TRIM71: variants seen among roughly 807,000 people sequenced by gnomAD.
The protein encoded by TRIM71 is E3 ubiquitin-protein ligase TRIM71.
Under a neutral mutation model 61.2 loss-of-function variants are expected in TRIM71, and 9 were observed. The observed-to-expected ratio is 0.15, with a 90% CI of 0.09 to 0.26. The LOEUF (loss-of-function observed/expected upper bound fraction) is 0.26, where lower values mean the gene tolerates loss of function less well. Ranked by LOEUF, TRIM71 falls within the 10% of genes least tolerant of loss-of-function variation. The probability of loss-of-function intolerance (pLI) is 1.00; values close to 1 mark genes in which losing one functional copy is unlikely to be tolerated. For synonymous variants in TRIM71, 645 were observed against 553.2 expected, an observed-to-expected ratio of 1.17 and a Z score of -2.33; for missense variants, 998 against 1,238.7, an observed-to-expected ratio of 0.81 and a Z score of 2.92.
chr3:32,867,370 ATGAT>A (rs1372157034), intron 1 of TRIM71, among the ~76,000 whole-genome samples: 4 of 152,222 alleles, frequency 2.6e-5, no homozygotes, highest in South Asian at 2.1e-4. Context: ...ATAGGTAAAA[ATGAT>A]TGATCATTTT....
Position 32,891,827 on chromosome 3 carries a change from T to G in TRIM71, c.*16T>G, listed in dbSNP as rs1697028778. 1 of 1,611,486 alleles carries G rather than the reference T, an allele frequency of 6.2e-7. No individual in the cohort carries two copies. The highest frequency in any genetic ancestry group is 1.7e-5 in the Admixed American group (1 of 59,618). On this transcript the variant is annotated 3_prime_UTR_variant, in exon 4 of 4. Coordinates refer to ENST00000383763, the MANE Select transcript of TRIM71 (RefSeq NM_001039111.3). The surrounding 1 kb of genome is among the most constrained non-coding windows in gnomAD (Gnocchi z 8.2). ...CGTCTTCTAATTGCATTTCCTAGGT[T>G]TCTGTGTTTGGGGTGTGTGTGCGTG...
At chr3:32,855,573 G>A (rs974599858) in intron 1 of TRIM71, among the ~76,000 whole-genome samples, 5 of 152,200 alleles carry the variant, frequency 3.3e-5, no homozygotes, top group Non-Finnish European at 7.3e-5. Context: ...GGGCAGGAAG[G>A]AGACAGATCC....
chr3:32,827,342 T>C (rs1249962988), intron 1 of TRIM71, among the ~76,000 whole-genome samples: 1 of 147,384 alleles, frequency 6.8e-6, no homozygotes, highest in Non-Finnish European at 1.5e-5. Context: ...CGGCTCCTTG[T>C]ACCTTCTGCC....
chr3:32,885,972 G>A lies in TRIM71; in HGVS notation c.1059G>A (p.Val353=). 1.2e-6 allele frequency: 2 copies of A among 1,614,180 alleles called. No individual in the cohort carries two copies. Among genetic ancestry groups the A allele is most frequent in the Non-Finnish European group, 1.7e-6 (2 of 1,180,022 alleles). ...IEQAQTVAEQ[V]EMKAKVVQSE... ...AGGCCCAGACGGTGGCGGAACAGGTGGAGATGAAGGCGAAGGTTGTGCAGT... is the reference window on the plus strand; with the variant it reads ...AGGCCCAGACGGTGGCGGAACAGGTAGAGATGAAGGCGAAGGTTGTGCAGT... The change falls in exon 3 of 4, where the codon GTG becomes GTA. Residue 353 remains valine (V), a synonymous_variant. Transcript: ENST00000383763.
At position 32,827,268 on chromosome 3, in the gene TRIM71, C is replaced by CTTTTTTTTT. The variant is rs369755706; in HGVS notation, c.852+8342_852+8350dup. 2.1e-3 allele frequency among the ~76,000 whole-genome samples: 268 copies of CTTTTTTTTT among 129,654 alleles called. 3 individuals carry two copies. The highest frequency in any genetic ancestry group is 6.7e-3 in the African/African-American group (240 of 35,556). The allele number at this position is 129,654 out of a possible 152,430, so 85.1% of individuals were successfully genotyped here. A position where few individuals can be genotyped will look rare whatever the true frequency, so the allele number is the denominator to read the frequency against. On this transcript the variant is annotated intron_variant, in intron 1 of 3. Coordinates refer to ENST00000383763, the MANE Select transcript of TRIM71 (RefSeq NM_001039111.3). ...TGTCATGAAGGGTAGGGGGATAATT[C>CTTTTTTTTT]TTTTTTTTTTTTTTGGGTGGAGTCT...
At position 32,896,721 on chromosome 3, in the gene TRIM71, T is replaced by C. The variant is rs1697081345; in HGVS notation, c.*4910T>C. 1 of 152,250 alleles carries C rather than the reference T, an allele frequency of 6.6e-6. No homozygotes were observed. The highest frequency in any genetic ancestry group is 1.5e-5 in the Non-Finnish European group (1 of 68,046). The allele number at this position is 152,250 out of a possible 1,614,324, so 9.4% of individuals were successfully genotyped here. On this transcript the variant is annotated 3_prime_UTR_variant, in exon 4 of 4. Transcript: ENST00000383763. ...TTAACCAATAATGGTTCTAAAAGTT[T>C]TGTGTATCCACATGGTCTTAGACCT...
At chr3:32,889,499 CAGTAAT>C (rs1358458630) in intron 3 of TRIM71, among the ~76,000 whole-genome samples, 1 of 132,134 alleles carries the variant, frequency 7.6e-6, no homozygotes, top group African/African-American at 2.8e-5. Flanking sequence ...AGAAAAGTTG[CAGTAAT>C]AGTAACTCCA....
intron 1 of TRIM71, among the ~76,000 whole-genome samples, chr3:32,839,479 C>T (rs572101911): frequency 1.2e-3 from 190 of 152,244 alleles, no homozygotes; most frequent in African/African-American, 4.4e-3. Context: ...ATTCACCCGC[C>T]TTGGCCTCCC....
At position 32,818,752 on chromosome 3, in the gene TRIM71, C is replaced by T. The variant is rs755360966; in HGVS notation, c.672C>T (p.Val224=). Residue 224 remains valine, a synonymous_variant, in exon 1 of 4, where the codon GTC becomes GTT. Transcript: ENST00000383763. ...AGGAGCACCTGTGCGACAACTGCGT[C>T]CGAGCGCACCAGCGCGTGCGCCTCA... The part of the protein sequence containing the change: ...DCQEHLCDNC[V]RAHQRVRLTK... 1.6e-5 allele frequency: 25 copies of T among 1,604,636 alleles called. No homozygotes were observed. Among genetic ancestry groups the T allele is most frequent in the East Asian group, 2.2e-5 (1 of 44,708 alleles).
intron 1 of TRIM71, among the ~76,000 whole-genome samples, chr3:32,858,007 G>A (rs59274379): frequency 1.8e-3 from 277 of 152,176 alleles, no homozygotes; most frequent in African/African-American, 5.3e-3. Flanking sequence ...AGAAGAAAAC[G>A]TGTTTACTAT....
intron 1 of TRIM71, among the ~76,000 whole-genome samples, chr3:32,834,465 T>G (rs149905342): frequency 1.3e-5 from 2 of 152,300 alleles, no homozygotes; most frequent in African/African-American, 4.8e-5. Context: ...CATACACAAA[T>G]GTTAACATAC....
At chr3:32,830,811 G>C (rs572675257) in intron 1 of TRIM71, among the ~76,000 whole-genome samples, 1 of 152,064 alleles carries the variant, frequency 6.6e-6, no homozygotes, top group Non-Finnish European at 1.5e-5. Flanking sequence ...CAAATGTTGA[G>C]GGTTTTTTTT....
intron 1 of TRIM71, among the ~76,000 whole-genome samples, chr3:32,873,478 CA>C (rs539130434): frequency 8.0e-4 from 122 of 152,146 alleles, no homozygotes; most frequent in Non-Finnish European, 1.4e-3. Flanking sequence ...AGCTAAGATT[CA>C]GGGCAAACTC....
chr3:32,885,009 G>A (rs1206087008), intron 2 of TRIM71, among the ~76,000 whole-genome samples: 1 of 152,110 alleles, frequency 6.6e-6, no homozygotes, highest in Non-Finnish European at 1.5e-5. Context: ...CTCCAGGGAT[G>A]ACTGGCCTGG....
At chr3:32,856,634 G>C (rs1459698507) in intron 1 of TRIM71, among the ~76,000 whole-genome samples, 1 of 152,184 alleles carries the variant, frequency 6.6e-6, no homozygotes, top group African/African-American at 2.4e-5. Context: ...AGGAATTTGG[G>C]ACATGTAGGG....
rs1214326505 is a variant in TRIM71 at position 32,896,968 on chromosome 3, G to A, written c.*5157G>A. On this transcript the variant is annotated 3_prime_UTR_variant, in exon 4 of 4. Coordinates refer to ENST00000383763, the MANE Select transcript of TRIM71 (RefSeq NM_001039111.3). ...TTTCTGGGGTTTTCTTGCTTTTAGGGTGGTAAGATTCCTTTCTTTTTTTCC... is the reference window on the plus strand; with the variant it reads ...TTTCTGGGGTTTTCTTGCTTTTAGGATGGTAAGATTCCTTTCTTTTTTTCC... 1.4e-5 allele frequency: 2 copies of A among 140,660 alleles called. No individual in the cohort carries two copies. The highest frequency in any genetic ancestry group is 2.5e-5 in the African/African-American group (1 of 40,088). The allele number at this position is 140,660 out of a possible 1,614,324, so 8.7% of individuals were successfully genotyped here. A position where few individuals can be genotyped will look rare whatever the true frequency, so the allele number is the denominator to read the frequency against.
chr3:32,827,948 C>T (rs145768319), intron 1 of TRIM71, among the ~76,000 whole-genome samples: 8 of 152,242 alleles, frequency 5.3e-5, no homozygotes, highest in African/African-American at 1.7e-4. Context: ...TCGTTTCATA[C>T]TCTTTTGGGA....
At chr3:32,853,861 G>C (rs539001611) in intron 1 of TRIM71, among the ~76,000 whole-genome samples, 1 of 152,266 alleles carries the variant, frequency 6.6e-6, no homozygotes, top group East Asian at 1.9e-4. Context: ...ACAAAAATTA[G>C]CCAGGCATGG....
At chr3:32,841,467 C>T (rs899718605) in intron 1 of TRIM71, among the ~76,000 whole-genome samples, 14 of 151,918 alleles carry the variant, frequency 9.2e-5, no homozygotes, top group African/African-American at 3.4e-4. Flanking sequence ...CACTTGAGCT[C>T]AGGAGACCAG....
Sources: allele counts gnomAD v4.1 joint callset (sites outside exome capture counted in the v4.1 genomes callset), GRCh38; gene constraint gnomAD v4.1.1; non-coding constraint Gnocchi (gnomAD v3.1); transcripts MANE v1.5; gene names NCBI Gene and HGNC (gene_info 2026-07-23, HGNC 2026-07-21).